Variants in BIK observed in about 807,000 individuals in gnomAD.
The protein encoded by BIK is bcl-2-interacting killer.
In BIK, 14 loss-of-function variants were observed where a neutral mutation model predicts 12.1. The observed-to-expected ratio is 1.16, with a 90% confidence interval of 0.77 to 1.81. The LOEUF (loss-of-function observed/expected upper bound fraction) is 1.81. BIK is among the 40% of genes most tolerant of loss of function. The pLI is 0.00. For missense variants in BIK, 215 were observed against 207.9 expected, an observed-to-expected ratio of 1.03 and a Z score of -0.21; for synonymous variants, 86 against 92.3, an observed-to-expected ratio of 0.93 and a Z score of 0.39.
chr22:43,124,538 T>G (rs1240216430), intron 2 of BIK, among the ~76,000 whole-genome samples: 1 of 149,292 alleles, frequency 6.7e-6, no homozygotes. Flanking sequence ...AGGAGGTGAC[T>G]CTGTTGCCAG....
chr22:43,128,424 T>C, intron 3 of BIK, 72 bp from the exon 4 acceptor site: 3 of 1,547,998 alleles, frequency 1.9e-6, no homozygotes, highest in Non-Finnish European at 2.7e-6. Flanking sequence ...TGTGATGGTG[T>C]CATCTAAGTA....
chr22:43,112,970 G>A (rs934205394), intron 1 of BIK, among the ~76,000 whole-genome samples: 4 of 151,930 alleles, frequency 2.6e-5, no homozygotes, highest in East Asian at 3.9e-4. Context: ...TTGGGAGGCC[G>A]AGGGAGATGG....
intron 1 of BIK, among the ~76,000 whole-genome samples, chr22:43,111,054 C>T (rs972186962): frequency 1.3e-5 from 2 of 152,016 alleles, no homozygotes; most frequent in Admixed American, 6.5e-5. Context: ...CCTCAGTCTC[C>T]GCGCCTGTGC....
Position 43,129,205 on chromosome 22 carries a change from T to C in BIK, c.391-8T>C. On this transcript the variant is annotated splice_polypyrimidine_tract_variant and splice_region_variant and intron_variant, in intron 4 of 4. Transcript: ENST00000216115. ...CCCGAGCCTGACTCCTCTGCTTTGC[T>C]CCCACAGGTGTCCTGCGAACAGGTG... The C allele has an allele frequency of 6.2e-7, 1 of 1,604,132 alleles. No homozygotes were observed. The highest frequency in any genetic ancestry group is 8.5e-7 in the Non-Finnish European group (1 of 1,179,836).
intron 1 of BIK, among the ~76,000 whole-genome samples, chr22:43,112,571 CTTT>C (rs747222777): frequency 7.0e-6 from 1 of 142,980 alleles, no homozygotes; most frequent in African/African-American, 2.6e-5. Context: ...ATGCCTGGCC[CTTT>C]TTTTTTTTTT....
chr22:43,120,008 C>T lies in BIK; in HGVS notation c.-7-4008C>T, dbSNP rs116769597. ...ATAAAATTTAATTTTTAAAAAAGGA[C>T]CAATAGGCGTAGGCATGGGCCGGTC... On this transcript the variant is annotated intron_variant, in intron 1 of 4. Coordinates refer to ENST00000216115, the MANE Select transcript of BIK (RefSeq NM_001197.5). Among the ~76,000 whole-genome samples, 469 of 151,544 alleles carry T rather than the reference C, an allele frequency of 3.1e-3. 3 individuals carry two copies. The highest frequency in any genetic ancestry group is 0.011 in the African/African-American group (448 of 41,072).
chr22:43,118,960 G>A (rs1188716760), intron 1 of BIK, among the ~76,000 whole-genome samples: 1 of 152,042 alleles, frequency 6.6e-6, no homozygotes, highest in Non-Finnish European at 1.5e-5. Context: ...TTGGGAGGTA[G>A]ATGGCGTTTC....
chr22:43,120,141 T>C (rs1930192460), intron 1 of BIK, among the ~76,000 whole-genome samples: 1 of 152,146 alleles, frequency 6.6e-6, no homozygotes, highest in African/African-American at 2.4e-5. Flanking sequence ...GGAACCAAGA[T>C]TGGGGTGGCA....
intron 1 of BIK, among the ~76,000 whole-genome samples, chr22:43,111,697 T>C (rs1930015128): frequency 6.6e-6 from 1 of 152,234 alleles, no homozygotes; most frequent in African/African-American, 2.4e-5. Context: ...CTTACTATTG[T>C]AACATTTTTG....
At chr22:43,129,154 C>T (rs952081828) in intron 4 of BIK, 59 bp from the exon 5 acceptor site, 11 of 1,599,308 alleles carry the variant, frequency 6.9e-6, no homozygotes, top group African/African-American at 2.7e-5. Context: ...CGCTGTCACC[C>T]GTCTGGCCCC....
intron 3 of BIK, 112 bp from the exon 4 acceptor site, chr22:43,128,384 G>A: frequency 1.5e-6 from 2 of 1,377,818 alleles, no homozygotes; most frequent in Non-Finnish European, 2.0e-6. Flanking sequence ...GCTGTGGGGT[G>A]GGAGGGCACA....
At chr22:43,122,875 G>T (rs1217970367) in intron 1 of BIK, among the ~76,000 whole-genome samples, 1 of 152,122 alleles carries the variant, frequency 6.6e-6, no homozygotes, top group Non-Finnish European at 1.5e-5. Flanking sequence ...CCCTGGCTGT[G>T]TCTACTCCCT....
At chr22:43,125,241 A>G (rs186639178) in intron 2 of BIK, among the ~76,000 whole-genome samples, 62 of 152,268 alleles carry the variant, frequency 4.1e-4, no homozygotes, top group African/African-American at 1.4e-3. Flanking sequence ...CTGTTTTATC[A>G]GCAGGGTCTT....
chr22:43,128,278 G>A (rs943324234), intron 3 of BIK, among the ~76,000 whole-genome samples: 2 of 152,202 alleles, frequency 1.3e-5, no homozygotes, highest in East Asian at 1.9e-4. Context: ...CGGCTGGCTG[G>A]CGGAGGAAGC....
chr22:43,111,589 C>T (rs916381929), intron 1 of BIK, among the ~76,000 whole-genome samples: 22 of 152,188 alleles, frequency 1.4e-4, no homozygotes, highest in African/African-American at 5.3e-4. Context: ...GGGCTCTGGC[C>T]TCCTAAATGC....
At chr22:43,123,918 G>A (rs1178323004) in intron 1 of BIK, 98 bp from the exon 2 acceptor site, 5 of 1,304,770 alleles carry the variant, frequency 3.8e-6, no homozygotes, top group African/African-American at 1.5e-5. Flanking sequence ...CAAAAGAGCT[G>A]GTGAGTAGGG....
intron 3 of BIK, 125 bp from the exon 4 acceptor site, chr22:43,128,371 G>C (rs1459821540): frequency 3.2e-6 from 4 of 1,246,090 alleles, no homozygotes; most frequent in African/African-American, 1.5e-5. Context: ...AGGGCCCCGG[G>C]TGGCTGTGGG....
rs1930370107 is a variant in BIK, at chr22:43,128,588, T to A, written c.353T>A (p.Ile118Lys). 6.2e-7 allele frequency: 1 copy of A among 1,613,726 alleles called. No homozygotes were observed. The highest frequency in any genetic ancestry group is 1.7e-5 in the Admixed American group (1 of 59,978). Residue 118 changes from isoleucine (I) to lysine (K), a missense_variant, in exon 4 of 5, where the codon ATA becomes AAA. Transcript: ENST00000216115. ...MDGFTTLKEN[I>K]MRFWRSPNPG... ...GGTTTCACCACACTTAAGGAGAACA[T>A]AATGAGGTTCTGGAGATCCCCGAAC... is the stretch of plus-strand genomic sequence containing the variant.
At chr22:43,115,286 T>C (rs1485533468) in intron 1 of BIK, among the ~76,000 whole-genome samples, 1 of 151,916 alleles carries the variant, frequency 6.6e-6, no homozygotes, top group Non-Finnish European at 1.5e-5. Context: ...CTGGGGGATG[T>C]TGGTAACAGA....
Sources: allele counts gnomAD v4.1 joint callset (sites outside exome capture counted in the v4.1 genomes callset), GRCh38; gene constraint gnomAD v4.1.1; transcripts MANE v1.5; gene names NCBI Gene and HGNC (gene_info 2026-07-23, HGNC 2026-07-21).